EFHB: variants seen among roughly 807,000 people sequenced by gnomAD.
EFHB encodes the protein EF-hand domain family member B.
Under a neutral mutation model 87.2 loss-of-function variants are expected in EFHB, and 91 were observed. The observed-to-expected ratio is 1.04, with a 90% CI of 0.88 to 1.24. The LOEUF (loss-of-function observed/expected upper bound fraction) is 1.24. Among genes scored for constraint, EFHB ranks in the 50% most tolerant of loss-of-function variants. The probability of loss-of-function intolerance (pLI) is 0.00; values close to 1 mark genes in which losing one functional copy is unlikely to be tolerated. For missense variants in EFHB, 1,084 were observed against 998.8 expected (o/e 1.09, Z -1.15); for synonymous variants, 325 against 333.6 (o/e 0.97, Z 0.28).
At chr3:19,913,495 A>G (rs1695128742) in intron 5 of EFHB, among the ~76,000 whole-genome samples, 1 of 152,234 alleles carries the variant, frequency 6.6e-6, no homozygotes, top group Admixed American at 6.5e-5. Flanking sequence ...TAACTTAATC[A>G]AAGATTTCTA....
At chr3:19,935,592 A>G (rs1299654414), upstream of EFHB, among the ~76,000 whole-genome samples, 1 of 151,780 alleles carries the variant, frequency 6.6e-6, no homozygotes, top group Non-Finnish European at 1.5e-5. Context: ...AGCGCCTGTA[A>G]TCCCAGCTAC....
intron 9 of EFHB, among the ~76,000 whole-genome samples, chr3:19,892,960 T>C (rs1694353444): frequency 6.6e-6 from 1 of 151,090 alleles, no homozygotes; most frequent in Non-Finnish European, 1.5e-5. Context: ...CTATTTTCTT[T>C]TTTTTTTTTT....
intron 1 of EFHB, among the ~76,000 whole-genome samples, chr3:19,944,052 TGA>T (rs1696218122): frequency 6.6e-6 from 1 of 152,212 alleles, no homozygotes; most frequent in African/African-American, 2.4e-5. Flanking sequence ...CACAAGCTTT[TGA>T]AACATGACTA....
intron 5 of EFHB, among the ~76,000 whole-genome samples, chr3:19,906,867 C>G (rs923237654): frequency 2.6e-5 from 4 of 151,938 alleles, no homozygotes; most frequent in African/African-American, 7.2e-5. Flanking sequence ...AACAGACATA[C>G]AGGCTAGTGG....
chr3:19,908,424 T>C (rs1206027757), intron 5 of EFHB, among the ~76,000 whole-genome samples: 1 of 151,698 alleles, frequency 6.6e-6, no homozygotes. Flanking sequence ...TCCCAGCTAC[T>C]TGGGAGGCTG....
chr3:19,926,599 G>A lies in EFHB; in HGVS notation c.790-6032C>T, dbSNP rs548822934. On this transcript the variant is annotated intron_variant, in intron 1 of 12. Transcript: ENST00000295824. ...GGGATGGTCTCGATCTCCTGACTTC[G>A]TGATCCCGTCTCGGCCTCCCAAAGT... 7.9e-5 allele frequency among the ~76,000 whole-genome samples: 12 copies of A among 151,978 alleles called. No homozygotes were observed. In the South Asian group the frequency reaches 2.3e-3, roughly 29 times the overall value.
rs1401109639 is a variant in EFHB, at chr3:19,879,563, G to C, written c.*68C>G. On this transcript the variant is annotated 3_prime_UTR_variant, in exon 13 of 13. Transcript: ENST00000295824. ...CTAACATAATATCTAAAACCAGAAT[G>C]GATTCAACATTTTAGATAAACACAG... is the stretch of plus-strand genomic sequence containing the variant. 2.7e-6 allele frequency: 4 copies of C among 1,457,172 alleles called. No homozygotes were observed. The highest frequency in any genetic ancestry group is 3.7e-6 in the Non-Finnish European group (4 of 1,093,604). 90.3% of individuals were successfully genotyped at this position (1,457,172 alleles called of 1,614,324 possible).
chr3:19,922,288 A>G (rs1203190129), intron 1 of EFHB, among the ~76,000 whole-genome samples: 1 of 152,230 alleles, frequency 6.6e-6, no homozygotes, highest in Non-Finnish European at 1.5e-5. Flanking sequence ...GAAGAGTTCA[A>G]CACTTGGAAG....
rs1164880147 is a variant in EFHB at position 19,908,542 on chromosome 3, A to AAGAAAGAGAGAAAGAG, written c.1289-2809_1289-2794dup. ...AGCAAAACTCCGTCTCAAAAAAAGAAAGAAAGAGAGAAAGAGAGAAAGAGA... is the reference window on the plus strand; with the variant it reads ...AGCAAAACTCCGTCTCAAAAAAAGAAAGAAAGAGAGAAAGAGAGAAAGAGAGAAAGAGAGAAAGAGA... On this transcript the variant is annotated intron_variant, in intron 5 of 12. Coordinates refer to ENST00000295824, the MANE Select transcript of EFHB (RefSeq NM_144715.4). Among the ~76,000 whole-genome samples the AAGAAAGAGAGAAAGAG allele has an allele frequency of 2.2e-3, 244 of 113,044 alleles. 16 individuals are homozygous for AAGAAAGAGAGAAAGAG. Among genetic ancestry groups the AAGAAAGAGAGAAAGAG allele is most frequent in the African/African-American group, 8.1e-3 (233 of 28,688 alleles). The allele number at this position is 113,044 out of a possible 152,430, so 74.2% of individuals were successfully genotyped here.
chr3:19,928,474 C>G (rs1265082255), intron 1 of EFHB, among the ~76,000 whole-genome samples: 1 of 152,170 alleles, frequency 6.6e-6, no homozygotes, highest in South Asian at 2.1e-4. Flanking sequence ...TTGTTTGAGG[C>G]GGAGTCTCGC....
chr3:19,907,045 TAA>T (rs553120531), intron 5 of EFHB, among the ~76,000 whole-genome samples: 1 of 140,516 alleles, frequency 7.1e-6, no homozygotes. Flanking sequence ...AAAAATAGAT[TAA>T]AAAAAAAAAA....
chr3:19,911,747 G>GA (rs1342926189), intron 5 of EFHB, among the ~76,000 whole-genome samples: 1 of 151,414 alleles, frequency 6.6e-6, no homozygotes. Flanking sequence ...GAAGACAAAA[G>GA]AAAAAAAATT....
At chr3:19,923,112 T>G (rs1575038465) in intron 1 of EFHB, among the ~76,000 whole-genome samples, 1 of 151,852 alleles carries the variant, frequency 6.6e-6, no homozygotes, top group East Asian at 2.0e-4. Flanking sequence ...CAAAAAAATA[T>G]AAAAATTAGC....
chr3:19,940,736 G>A, intron 1 of EFHB: 1 of 335,728 alleles, frequency 3.0e-6, no homozygotes. Flanking sequence ...AGATGCCATT[G>A]GCATCAATAT....
At chr3:19,939,939 T>A (rs1054087173) in intron 1 of EFHB, among the ~76,000 whole-genome samples, 2 of 152,168 alleles carry the variant, frequency 1.3e-5, no homozygotes, top group African/African-American at 4.8e-5. Flanking sequence ...TAGATTTGAT[T>A]GTATCTCCTC....
At chr3:19,928,795 A>C (rs1695722538) in intron 1 of EFHB, among the ~76,000 whole-genome samples, 1 of 152,120 alleles carries the variant, frequency 6.6e-6, no homozygotes, top group Non-Finnish European at 1.5e-5. Context: ...TAGCCAATGC[A>C]GTGAGGTAGG....
In EFHB at chr3:19,905,698, A is replaced by G. The variant is rs377473787; in HGVS notation, c.1340T>C (p.Val447Ala). Residue 447 changes from valine to alanine, a missense_variant, in exon 6 of 13, where the codon GTG becomes GCG. By Grantham distance (64) the Val-to-Ala change is moderately conservative. Coordinates refer to ENST00000295824, the MANE Select transcript of EFHB (RefSeq NM_144715.4). ...AAAATGTGGTGTTGGTACTCCATAC[A>G]CACTACACCTATGGAAACTTGATGG... ...YNPSSFHRCS[V>A]YGVPTPHFND... 2.2e-5 allele frequency: 36 copies of G among 1,613,584 alleles called. No individual in the cohort carries two copies. Among genetic ancestry groups the G allele is most frequent in the Non-Finnish European group, 2.9e-5 (34 of 1,179,674 alleles).
chr3:19,911,873 G>A (rs146601319), intron 5 of EFHB, among the ~76,000 whole-genome samples: 1,674 of 152,172 alleles, frequency 0.011, 24 homozygotes, highest in African/African-American at 0.038. Flanking sequence ...TACTTTGGGA[G>A]GCCAAGGTGC....
chr3:19,915,216 A>G (rs1695186626), intron 5 of EFHB, 87 bp downstream of exon 5: 2 of 770,230 alleles, frequency 2.6e-6, no homozygotes, highest in African/African-American at 3.5e-5. Context: ...GCAGGCATTT[A>G]ACTTTATGTA....
Sources: gnomAD v4.1 joint callset for allele counts (sites outside exome capture counted in the v4.1 genomes callset) on GRCh38, gnomAD v4.1.1 for gene constraint, MANE v1.5 for transcripts, NCBI Gene and HGNC (gene_info 2026-07-23, HGNC 2026-07-21) for gene names.